ORC4: variants seen among roughly 807,000 people sequenced by gnomAD.
ORC4 encodes the protein origin recognition complex, subunit 4 homolog.
In ORC4, 55 loss-of-function variants were observed where a neutral mutation model predicts 63.9. The ratio of observed to expected loss-of-function variants is 0.86; its 90% CI spans 0.69 to 1.08. ORC4 has a LOEUF of 1.08. ORC4 is among the 50% of genes least tolerant of loss of function. ORC4 has a pLI of 0.00. For missense variants in ORC4, 511 were observed against 504.4 expected (o/e 1.01, Z -0.13); for synonymous variants, 150 against 168.5 (o/e 0.89, Z 0.85).
At chr2:147,942,696 T>C (rs17225601) in intron 10 of ORC4, among the ~76,000 whole-genome samples, 519 of 152,152 alleles carry the variant, frequency 3.4e-3, no homozygotes, top group East Asian at 8.1e-3. Flanking sequence ...AGAAAGGATG[T>C]CCACTCTCAC....
intron 9 of ORC4, among the ~76,000 whole-genome samples, chr2:147,946,162 ATCC>A (rs1259103845): frequency 6.6e-6 from 1 of 152,086 alleles, no homozygotes; most frequent in Non-Finnish European, 1.5e-5. Flanking sequence ...AACTCCCAGC[ATCC>A]TCTTTATTTA....
chr2:147,975,755 T>C, intron 2 of ORC4, 147 bp downstream of exon 2: 1 of 619,942 alleles, frequency 1.6e-6, no homozygotes, highest in Non-Finnish European at 2.9e-6. Flanking sequence ...GGCATCTCGT[T>C]AAGGTCTCGT....
chr2:148,020,044 A>G (rs1301413913), intron 1 of ORC4, among the ~76,000 whole-genome samples: 1 of 152,180 alleles, frequency 6.6e-6, no homozygotes, highest in Non-Finnish European at 1.5e-5. Flanking sequence ...TAAGGACTAC[A>G]CAATCCCACA....
chr2:147,950,774 A>AAG (rs1553452094), intron 8 of ORC4, among the ~76,000 whole-genome samples: 2 of 151,470 alleles, frequency 1.3e-5, no homozygotes, highest in Non-Finnish European at 2.9e-5. Context: ...CAAAAAAAAA[A>AAG]AAAAAGAAAA....
intron 8 of ORC4, among the ~76,000 whole-genome samples, chr2:147,948,693 T>C: frequency 6.6e-6 from 1 of 151,800 alleles, no homozygotes; most frequent in Admixed American, 6.6e-5. Context: ...ATAGTAATGC[T>C]TTTAGACTCT....
intron 1 of ORC4, among the ~76,000 whole-genome samples, chr2:148,000,681 A>C (rs1350173657): frequency 6.6e-6 from 1 of 152,146 alleles, no homozygotes; most frequent in Non-Finnish European, 1.5e-5. Flanking sequence ...ACTGCAGCAC[A>C]TAAGAATGCT....
chr2:147,953,610 A>G (rs1689086490), intron 7 of ORC4, among the ~76,000 whole-genome samples: 1 of 152,176 alleles, frequency 6.6e-6, no homozygotes. Context: ...AAACTTGTAG[A>G]TTATAAAGTT....
rs1279109627 is a variant in ORC4 at position 147,931,853 on chromosome 2, C to A, written c.*3657G>T. 6.6e-6 allele frequency: 1 copy of A among 151,678 alleles called. No individual in the cohort carries two copies. Among genetic ancestry groups the A allele is most frequent in the African/African-American group, 2.4e-5 (1 of 41,294 alleles). 9.4% of individuals were successfully genotyped at this position (151,678 alleles called of 1,614,324 possible). Reference sequence around the variant, plus strand: ...TGACAAACCCACAGCCAATATCATACTGAATGGGCAAAAACTGGAAGCATT... The same window carrying A: ...TGACAAACCCACAGCCAATATCATAATGAATGGGCAAAAACTGGAAGCATT... On this transcript the variant is annotated 3_prime_UTR_variant, in exon 14 of 14. Transcript: ENST00000392857.
chr2:147,985,250 G>A (rs1197352254), intron 1 of ORC4, among the ~76,000 whole-genome samples: 1 of 152,090 alleles, frequency 6.6e-6, no homozygotes, highest in Non-Finnish European at 1.5e-5. Flanking sequence ...AGGCTGGAGT[G>A]CAGTGGCGCT....
Position 147,931,851 on chromosome 2 carries a change from TACTG to T in ORC4, c.*3655_*3658del, listed in dbSNP as rs1227579417. On this transcript the variant is annotated 3_prime_UTR_variant, in exon 14 of 14. Transcript: ENST00000392857. ...TATGACAAACCCACAGCCAATATCA[TACTG>T]AATGGGCAAAAACTGGAAGCATTCC... The T allele has an allele frequency of 5.3e-5, 8 of 151,856 alleles. No homozygotes were observed. The East Asian group carries it at 1.2e-3, about 22-fold the overall frequency. The allele number at this position is 151,856 out of a possible 1,614,324, so 9.4% of individuals were successfully genotyped here.
chr2:147,945,574 C>T (rs779533116), intron 9 of ORC4, among the ~76,000 whole-genome samples: 4 of 152,018 alleles, frequency 2.6e-5, no homozygotes, highest in Non-Finnish European at 4.4e-5. Context: ...TTTAAATGTT[C>T]TTTTCAAAGG....
chr2:147,948,035 T>C lies in ORC4; in HGVS notation c.762+16A>G, dbSNP rs765466278. The stretch of plus-strand genomic sequence containing the variant: ...ATATAGCAAGGAACATTTAGCTTTA[T>C]TGCCTTTTAAGATACCTGAACATTT... On this transcript the variant is annotated intron_variant, in intron 9 of 13. Coordinates refer to ENST00000392857, the MANE Select transcript of ORC4 (RefSeq NM_181741.4). 6.9e-6 allele frequency: 11 copies of C among 1,600,454 alleles called. No homozygotes were observed. The highest frequency in any genetic ancestry group is 9.4e-6 in the Non-Finnish European group (11 of 1,167,956).
intron 4 of ORC4, among the ~76,000 whole-genome samples, chr2:147,969,586 A>T (rs971184922): frequency 3.9e-5 from 6 of 152,050 alleles, no homozygotes; most frequent in Admixed American, 3.3e-4. Flanking sequence ...CTGGCAGTAA[A>T]GAAAATCACA....
chr2:147,945,923 C>T (rs1334121845), intron 9 of ORC4, among the ~76,000 whole-genome samples: 1 of 152,002 alleles, frequency 6.6e-6, no homozygotes, highest in Non-Finnish European at 1.5e-5. Context: ...AAGACAGGCA[C>T]AAGATGATCA....
intron 1 of ORC4, among the ~76,000 whole-genome samples, chr2:147,989,193 T>C (rs963233168): frequency 2.6e-5 from 4 of 151,774 alleles, no homozygotes; most frequent in African/African-American, 9.7e-5. Context: ...AAAAGAAAAA[T>C]AAAAAGGCAC....
In ORC4 at chr2:147,969,406, T is replaced by C. The variant is rs188708668; in HGVS notation, c.225+3333A>G. On this transcript the variant is annotated intron_variant, in intron 4 of 13. Coordinates refer to ENST00000392857, the MANE Select transcript of ORC4 (RefSeq NM_181741.4). ...TCACTATATATCCCATGAAAGTGTATAATTATTATGAGTCAATTTAAAAAT... is the reference window on the plus strand; with the variant it reads ...TCACTATATATCCCATGAAAGTGTACAATTATTATGAGTCAATTTAAAAAT... Among the ~76,000 whole-genome samples, 10 of 152,168 alleles carry C rather than the reference T, an allele frequency of 6.6e-5. No individual in the cohort carries two copies. The South Asian group carries it at 1.9e-3, about 28-fold the overall frequency.
At chr2:147,935,810 G>T in intron 13 of ORC4, 112 bp from the exon 14 acceptor site, 1 of 800,368 alleles carries the variant, frequency 1.2e-6, no homozygotes, top group Non-Finnish European at 2.1e-6. Flanking sequence ...AGAGTACTGG[G>T]AAGCAAAATG....
chr2:147,972,256 G>T (rs752301330), intron 4 of ORC4, among the ~76,000 whole-genome samples: 1 of 152,044 alleles, frequency 6.6e-6, no homozygotes, highest in Non-Finnish European at 1.5e-5. Flanking sequence ...GTGTAAGTTA[G>T]GGTTAAACAA....
chr2:147,958,923 T>A, intron 4 of ORC4, 57 bp from the exon 5 acceptor site: 1 of 766,642 alleles, frequency 1.3e-6, no homozygotes, highest in Admixed American at 2.1e-5. Flanking sequence ...TAAGTCCATA[T>A]TCGTTTTTAA....
Sources: gnomAD v4.1 joint callset for allele counts (sites outside exome capture counted in the v4.1 genomes callset) on GRCh38, gnomAD v4.1.1 for gene constraint, MANE v1.5 for transcripts, NCBI Gene and HGNC (gene_info 2026-07-23, HGNC 2026-07-21) for gene names.